Variants in DPP10 observed in about 807,000 individuals in gnomAD.
DPP10 encodes inactive dipeptidyl peptidase 10.
DPP10 carries 33 observed loss-of-function variants against 120.9 expected under a neutral mutation model. That is an observed-to-expected ratio of 0.27 (90% confidence interval 0.21 to 0.37). The LOEUF (loss-of-function observed/expected upper bound fraction) is 0.37, where lower values mean the gene tolerates loss of function less well. Ranked by LOEUF, DPP10 falls within the 10% of genes least tolerant of loss-of-function variation. The probability of loss-of-function intolerance (pLI) is 1.00; values close to 1 mark genes in which losing one functional copy is unlikely to be tolerated. For missense variants in DPP10, 816 were observed against 942.8 expected, an observed-to-expected ratio of 0.87 and a Z score of 1.76; for synonymous variants, 337 against 326.1, an observed-to-expected ratio of 1.03 and a Z score of -0.36.
At chr2:114,541,974 A>C (rs1048726356) in intron 1 of DPP10, among the ~76,000 whole-genome samples, 3 of 151,818 alleles carry the variant, frequency 2.0e-5, no homozygotes, top group Non-Finnish European at 4.4e-5. Context: ...ATGGATTCTC[A>C]ATGGGAGATT....
chr2:115,643,535 T>C (rs746790529), intron 5 of DPP10, among the ~76,000 whole-genome samples: 6 of 152,140 alleles, frequency 3.9e-5, no homozygotes, highest in African/African-American at 7.2e-5. Flanking sequence ...AACAAAAGGT[T>C]AGGTGTCTAA....
chr2:115,699,086 G>A (rs1410301338), intron 7 of DPP10, among the ~76,000 whole-genome samples: 2 of 131,708 alleles, frequency 1.5e-5, no homozygotes, highest in Non-Finnish European at 3.2e-5. Flanking sequence ...CAGATTGAAA[G>A]TGGGGATATT....
intron 5 of DPP10, among the ~76,000 whole-genome samples, chr2:115,599,535 T>A (rs1445214784): frequency 2.0e-5 from 3 of 152,178 alleles, no homozygotes; most frequent in African/African-American, 7.2e-5. Flanking sequence ...TTATATTGTC[T>A]GTATCTTTGC....
intron 1 of DPP10, among the ~76,000 whole-genome samples, chr2:115,274,729 A>G (rs1456455561): frequency 6.6e-6 from 1 of 152,246 alleles, no homozygotes; most frequent in African/African-American, 2.4e-5. Flanking sequence ...AACCCTGCAC[A>G]TGGAAAGACA....
intron 3 of DPP10, among the ~76,000 whole-genome samples, chr2:115,479,862 T>A (rs1458507179): frequency 6.6e-6 from 1 of 152,142 alleles, no homozygotes; most frequent in East Asian, 1.9e-4. Flanking sequence ...TTTCTCACAT[T>A]TGTTAACTGA....
At chr2:114,602,338 T>A (rs1692442933) in intron 1 of DPP10, among the ~76,000 whole-genome samples, 1 of 152,008 alleles carries the variant, frequency 6.6e-6, no homozygotes, top group Middle Eastern at 3.4e-3. Context: ...TGTGTGTGCA[T>A]GTGTGAATTT....
chr2:115,523,088 T>C (rs1241369162), intron 4 of DPP10, among the ~76,000 whole-genome samples: 1 of 152,130 alleles, frequency 6.6e-6, no homozygotes, highest in Non-Finnish European at 1.5e-5. Flanking sequence ...CTCTGCAGCA[T>C]CAGTGACCTG....
rs1476901026 is a variant in DPP10, at chr2:115,402,854, A to AAAAAATAT, written c.271+58943_271+58944insAAAATATA. ...AGGACACTACAAGGAAAAAAAAAAA[A>AAAAAATAT]ATATATATATATATATATATATGTG... On this transcript the variant is annotated intron_variant, in intron 3 of 25. Coordinates refer to ENST00000410059, the MANE Select transcript of DPP10 (RefSeq NM_020868.6). Among the ~76,000 whole-genome samples the AAAAAATAT allele has an allele frequency of 9.5e-4, 93 of 97,628 alleles. 5 individuals are homozygous for AAAAAATAT. The East Asian group carries it at 0.022, about 23-fold the overall frequency. The allele number at this position is 97,628 out of a possible 152,430, so 64.0% of individuals were successfully genotyped here. A position where few individuals can be genotyped will look rare whatever the true frequency, so the allele number is the denominator to read the frequency against.
At chr2:115,673,602 T>G (rs930794089) in intron 5 of DPP10, among the ~76,000 whole-genome samples, 4 of 152,194 alleles carry the variant, frequency 2.6e-5, no homozygotes, top group Non-Finnish European at 4.4e-5. Flanking sequence ...AAATATCTCC[T>G]GATACATTTC....
intron 1 of DPP10, among the ~76,000 whole-genome samples, chr2:115,089,073 G>A (rs556940611): frequency 2.0e-4 from 31 of 151,964 alleles, no homozygotes; most frequent in African/African-American, 5.8e-4. Flanking sequence ...ATTTTTATGC[G>A]CCACCTTCTG....
At chr2:115,338,859 G>A (rs2063300738) in intron 2 of DPP10, among the ~76,000 whole-genome samples, 1 of 152,114 alleles carries the variant, frequency 6.6e-6, no homozygotes, top group South Asian at 2.1e-4. Context: ...TTAGGAAAAA[G>A]CCATAGGAGA....
At chr2:115,168,239 A>G (rs1482348660) in intron 1 of DPP10, among the ~76,000 whole-genome samples, 1 of 152,182 alleles carries the variant, frequency 6.6e-6, no homozygotes, top group Non-Finnish European at 1.5e-5. Flanking sequence ...TCATCTCCAT[A>G]TATTTTCATA....
intron 1 of DPP10, among the ~76,000 whole-genome samples, chr2:114,693,403 G>A (rs1328305223): frequency 1.3e-5 from 2 of 151,778 alleles, no homozygotes; most frequent in Non-Finnish European, 2.9e-5. Flanking sequence ...TTGAATATTG[G>A]CCCCCAATCT....
At chr2:114,563,847 T>C (rs1378581299) in intron 1 of DPP10, among the ~76,000 whole-genome samples, 1 of 152,190 alleles carries the variant, frequency 6.6e-6, no homozygotes, top group Non-Finnish European at 1.5e-5. Context: ...TTGGTCACCC[T>C]CACCTTTCCC....
chr2:114,757,477 C>T (rs1679884082), intron 1 of DPP10, among the ~76,000 whole-genome samples: 3 of 152,006 alleles, frequency 2.0e-5, no homozygotes, highest in Admixed American at 2.0e-4. Flanking sequence ...AATTAGTTTG[C>T]ATACCAGGCT....
chr2:114,614,643 A>C (rs1693543249), intron 1 of DPP10, among the ~76,000 whole-genome samples: 1 of 152,196 alleles, frequency 6.6e-6, no homozygotes, highest in African/African-American at 2.4e-5. Context: ...TTTTTAAGTC[A>C]GATTTTATTA....
intron 1 of DPP10, among the ~76,000 whole-genome samples, chr2:115,115,440 C>T (rs1263797702): frequency 2.0e-5 from 3 of 152,136 alleles, no homozygotes; most frequent in African/African-American, 7.2e-5. Context: ...TCTCAGGAGA[C>T]CCGTTTGAAT....
At chr2:114,527,448 C>G (rs1208493632) in intron 1 of DPP10, among the ~76,000 whole-genome samples, 3 of 152,024 alleles carry the variant, frequency 2.0e-5, no homozygotes, top group African/African-American at 7.2e-5. Context: ...GCCTGGTTTT[C>G]TTAGGCATGA....
intron 5 of DPP10, among the ~76,000 whole-genome samples, chr2:115,606,257 C>A (rs533844474): frequency 1.3e-5 from 2 of 152,178 alleles, no homozygotes; most frequent in Middle Eastern, 6.8e-3. Context: ...TAAAATCCTG[C>A]AGGGCAAACT....
Sources: gnomAD v4.1 joint callset for allele counts (sites outside exome capture counted in the v4.1 genomes callset) on GRCh38, gnomAD v4.1.1 for gene constraint, MANE v1.5 for transcripts, NCBI Gene and HGNC (gene_info 2026-07-23, HGNC 2026-07-21) for gene names.